Variants in INPP5A observed in about 807,000 individuals in gnomAD.
INPP5A encodes the protein inositol polyphosphate-5-phosphatase A.
A neutral mutation model predicts 65.2 loss-of-function variants in INPP5A; 14 were observed. The observed-to-expected ratio is 0.21, with a 90% CI of 0.14 to 0.34. INPP5A has a LOEUF of 0.34. Among genes scored for constraint, INPP5A ranks in the 10% least tolerant of loss-of-function variants. The pLI is 1.00. For missense variants in INPP5A, 431 were observed against 545.6 expected, an observed-to-expected ratio of 0.79 and a Z score of 2.09; for synonymous variants, 207 against 208.3, an observed-to-expected ratio of 0.99 and a Z score of 0.05.
intron 11 of INPP5A, among the ~76,000 whole-genome samples, chr10:132,750,220 G>A (rs568376871): frequency 7.2e-5 from 11 of 152,254 alleles, no homozygotes; most frequent in Non-Finnish European, 1.3e-4. Flanking sequence ...AAGGGAGCAG[G>A]TTCCTCACAC....
intron 9 of INPP5A, among the ~76,000 whole-genome samples, chr10:132,748,968 C>G (rs923396571): frequency 5.9e-5 from 9 of 152,262 alleles, no homozygotes; most frequent in Non-Finnish European, 1.0e-4. Flanking sequence ...AGCCTGCGCC[C>G]CAGGGACTGG....
In INPP5A at chr10:132,663,803, T is replaced by C. The variant is rs1009424225; in HGVS notation, c.306+13298T>C. On this transcript the variant is annotated intron_variant, in intron 4 of 15. Coordinates refer to ENST00000368594, the MANE Select transcript of INPP5A (RefSeq NM_005539.5). This position sits in a 1 kb window ranked among gnomAD's most constrained non-coding sequence, Gnocchi z 4.5. ...TAGGGGTGAAGTCATCTCGCTCCTC[T>C]TCTGAGCCGTGAGCTGGGCAGGGCC... Among the ~76,000 whole-genome samples, 3 of 152,192 alleles carry C rather than the reference T, an allele frequency of 2.0e-5. No homozygotes were observed. The highest frequency in any genetic ancestry group is 6.5e-5 in the Admixed American group (1 of 15,284).
At position 132,771,808 on chromosome 10, in the gene INPP5A, G is replaced by A. The variant is rs1341643037; in HGVS notation, c.978-5863G>A. 1.7e-4 allele frequency among the ~76,000 whole-genome samples: 20 copies of A among 119,494 alleles called. 3 individuals are homozygous for A. The highest frequency in any genetic ancestry group is 6.9e-4 in the African/African-American group (20 of 28,942). 78.4% of individuals were successfully genotyped at this position (119,494 alleles called of 152,430 possible). On this transcript the variant is annotated intron_variant, in intron 12 of 15. Transcript: ENST00000368594. The stretch of plus-strand genomic sequence containing the variant: ...CACTCAGCACTGACACGGAGGCCCA[G>A]GCAGCCGCCCCGTGAAGAGTGGGGC...
At chr10:132,632,352 G>A (rs1564941794) in intron 2 of INPP5A, among the ~76,000 whole-genome samples, 1 of 152,248 alleles carries the variant, frequency 6.6e-6, no homozygotes, top group Non-Finnish European at 1.5e-5. Flanking sequence ...CCCTGTGGCT[G>A]TATCTCTCTG....
In INPP5A at chr10:132,651,368, G is replaced by A. The variant is rs1176191711; in HGVS notation, c.306+863G>A. ...TCTCTGGGGAGGCCCTGGGTCCCCC[G>A]GCCTGGGTCCATCTCCCCCGTCTCT... On this transcript the variant is annotated intron_variant, in intron 4 of 15. Coordinates refer to ENST00000368594, the MANE Select transcript of INPP5A (RefSeq NM_005539.5). The surrounding 1 kb of genome is among the most constrained non-coding windows in gnomAD (Gnocchi z 5.0). 1.5e-5 allele frequency among the ~76,000 whole-genome samples: 2 copies of A among 136,112 alleles called. No homozygotes were observed. The highest frequency in any genetic ancestry group is 5.7e-5 in the African/African-American group (2 of 35,218). The allele number at this position is 136,112 out of a possible 152,430, so 89.3% of individuals were successfully genotyped here.
intron 2 of INPP5A, among the ~76,000 whole-genome samples, chr10:132,625,568 G>A (rs1405178617): frequency 1.3e-5 from 2 of 152,276 alleles, no homozygotes; most frequent in East Asian, 3.9e-4. Flanking sequence ...TCTCAGACTG[G>A]CCGGCAGCTG....
In INPP5A at chr10:132,727,875, C is replaced by T. The variant is rs1564986857; in HGVS notation, c.732+970C>T. ...GGACACAGTGAGTTGGATGGGAACA[C>T]GGTGAGTCGAACGGGGACATGGCGG... is the stretch of plus-strand genomic sequence containing the variant. On this transcript the variant is annotated intron_variant, in intron 9 of 15. Transcript: ENST00000368594. The surrounding 1 kb of genome is among the most constrained non-coding windows in gnomAD (Gnocchi z 6.5). Among the ~76,000 whole-genome samples, 1 of 152,136 alleles carries T rather than the reference C, an allele frequency of 6.6e-6. No homozygotes were observed. The highest frequency in any genetic ancestry group is 6.5e-5 in the Admixed American group (1 of 15,278).
At chr10:132,590,687 T>G (rs574497789) in intron 1 of INPP5A, among the ~76,000 whole-genome samples, 2 of 152,188 alleles carry the variant, frequency 1.3e-5, no homozygotes, top group Admixed American at 1.3e-4. Context: ...CCTCTTCCTC[T>G]TCCTGGATGT....
At chr10:132,618,121 G>T (rs2072064602) in intron 2 of INPP5A, among the ~76,000 whole-genome samples, 1 of 152,176 alleles carries the variant, frequency 6.6e-6, no homozygotes, top group Non-Finnish European at 1.5e-5. Flanking sequence ...AATATAAAAT[G>T]AATAGGTACT....
intron 1 of INPP5A, among the ~76,000 whole-genome samples, chr10:132,606,252 G>A (rs1008570329): frequency 6.7e-6 from 1 of 148,330 alleles, no homozygotes; most frequent in Admixed American, 6.7e-5. Context: ...GGACAGCGGC[G>A]TGGGTCAGTC....
intron 4 of INPP5A, among the ~76,000 whole-genome samples, chr10:132,670,359 C>T (rs2072870877): frequency 1.9e-5 from 1 of 52,650 alleles, no homozygotes; most frequent in Non-Finnish European, 4.0e-5. Context: ...CTGCACCTGA[C>T]CCCACCCCCC....
At chr10:132,737,133 G>A (rs753032544) in intron 9 of INPP5A, among the ~76,000 whole-genome samples, 7 of 152,364 alleles carry the variant, frequency 4.6e-5, no homozygotes, top group South Asian at 4.1e-4. Context: ...TTCCTGCATC[G>A]GCTGCAGTCG....
At chr10:132,662,878 C>T (rs1304161492) in intron 4 of INPP5A, among the ~76,000 whole-genome samples, 1 of 152,214 alleles carries the variant, frequency 6.6e-6, no homozygotes, top group Non-Finnish European at 1.5e-5. Flanking sequence ...TGTTAGTCTC[C>T]TAATTGTGGT....
At chr10:132,571,808 G>T (rs927369200) in intron 1 of INPP5A, among the ~76,000 whole-genome samples, 6 of 152,222 alleles carry the variant, frequency 3.9e-5, no homozygotes, top group African/African-American at 1.4e-4. Flanking sequence ...ACAGGGGCTA[G>T]CGAGTGAGCA....
intron 3 of INPP5A, among the ~76,000 whole-genome samples, chr10:132,647,114 T>C (rs563492082): frequency 1.7e-3 from 262 of 151,290 alleles, no homozygotes; most frequent in African/African-American, 5.9e-3. Context: ...ATTTTTTTTT[T>C]CTTTTTTTTT....
intron 1 of INPP5A, among the ~76,000 whole-genome samples, chr10:132,570,101 C>T (rs537621191): frequency 6.0e-5 from 9 of 150,832 alleles, no homozygotes; most frequent in African/African-American, 1.7e-4. Flanking sequence ...CGCTGGGCCC[C>T]CACTGTTTTT....
intron 4 of INPP5A, among the ~76,000 whole-genome samples, chr10:132,669,734 G>A (rs2072858273): frequency 6.6e-6 from 1 of 152,176 alleles, no homozygotes; most frequent in African/African-American, 2.4e-5. Flanking sequence ...CTGGACTCTA[G>A]ATGTGCAGCT....
chr10:132,719,046 G>C (rs1188942895), intron 8 of INPP5A, among the ~76,000 whole-genome samples: 1 of 147,598 alleles, frequency 6.8e-6, no homozygotes, highest in Non-Finnish European at 1.5e-5. Context: ...CCTGGGTTCT[G>C]TCTGGGCGCC....
chr10:132,687,567 C>G (rs766516234), intron 4 of INPP5A, among the ~76,000 whole-genome samples: 6 of 152,236 alleles, frequency 3.9e-5, no homozygotes, highest in African/African-American at 1.4e-4. Context: ...AAGTGCACTG[C>G]GTCCCCCTCG....
Sources: gnomAD v4.1 joint callset for allele counts (sites outside exome capture counted in the v4.1 genomes callset) on GRCh38, gnomAD v4.1.1 for gene constraint, Gnocchi (gnomAD v3.1) non-coding constraint, MANE v1.5 for transcripts, NCBI Gene and HGNC (gene_info 2026-07-23, HGNC 2026-07-21) for gene names.